Variants in PPARGC1A observed in about 807,000 individuals in gnomAD.
PPARGC1A encodes PPARG coactivator 1 alpha, also known as peroxisome proliferator-activated receptor gamma coactivator 1-alpha.
PPARGC1A carries 25 observed loss-of-function variants against 88.7 expected under a neutral mutation model. The ratio of observed to expected loss-of-function variants is 0.28; its 90% CI spans 0.21 to 0.39. The LOEUF is 0.39. PPARGC1A is among the 10% of genes least tolerant of loss of function. The pLI, the probability that PPARGC1A is intolerant of heterozygous loss-of-function variation, is 1.00. For synonymous variants in PPARGC1A, 363 were observed against 355.6 expected, an observed-to-expected ratio of 1.02 and a Z score of -0.24; for missense variants, 880 against 968.7, an observed-to-expected ratio of 0.91 and a Z score of 1.22.
chr4:23,897,975 T>C (rs1718809741), intron 1 of PPARGC1A, among the ~76,000 whole-genome samples: 2 of 152,166 alleles, frequency 1.3e-5, no homozygotes, highest in Admixed American at 1.3e-4. Context: ...GATTTAGAAA[T>C]GGTGTCACCC....
At chr4:23,818,652 T>A (rs1722408910) in intron 7 of PPARGC1A, among the ~76,000 whole-genome samples, 1 of 151,976 alleles carries the variant, frequency 6.6e-6, no homozygotes, top group South Asian at 2.1e-4. Flanking sequence ...TCTACAGTCA[T>A]CTTTTTAAAC....
chr4:23,951,455 A>G, the PPARGC1A span, among the ~76,000 whole-genome samples: 1 of 152,194 alleles, frequency 6.6e-6, no homozygotes, highest in African/African-American at 2.4e-5. Flanking sequence ...AATGCCATGC[A>G]TTACCAAAGG....
chr4:24,216,602 T>C, the PPARGC1A span, among the ~76,000 whole-genome samples: 1 of 152,228 alleles, frequency 6.6e-6, no homozygotes, highest in African/African-American at 2.4e-5. Flanking sequence ...GTTCTTGCTT[T>C]TGATTTTCTG....
the PPARGC1A span, among the ~76,000 whole-genome samples, chr4:24,361,698 T>G: frequency 3.3e-5 from 5 of 152,296 alleles, no homozygotes; most frequent in South Asian, 1.0e-3. Flanking sequence ...GATATCCAGG[T>G]GAAGACCAGA....
the PPARGC1A span, among the ~76,000 whole-genome samples, chr4:24,016,312 G>A: frequency 6.6e-6 from 1 of 152,148 alleles, no homozygotes; most frequent in Admixed American, 6.5e-5. Context: ...TGGAATGAGA[G>A]GAAAGCAGCA....
the PPARGC1A span, among the ~76,000 whole-genome samples, chr4:23,998,089 A>G: frequency 1.4e-3 from 214 of 152,316 alleles, 1 homozygote; most frequent in African/African-American, 4.6e-3. Context: ...AGTTCTTGTT[A>G]TGAAGTTCTC....
At chr4:24,326,850 G>A in the PPARGC1A span, among the ~76,000 whole-genome samples, 1 of 152,078 alleles carries the variant, frequency 6.6e-6, no homozygotes, top group African/African-American at 2.4e-5. Context: ...TCATGTCTGC[G>A]TGCAGCGGCT....
intron 2 of PPARGC1A, among the ~76,000 whole-genome samples, chr4:23,835,190 T>C (rs1725777509): frequency 6.6e-6 from 1 of 152,216 alleles, no homozygotes; most frequent in South Asian, 2.1e-4. Flanking sequence ...AATCACATAA[T>C]ACAATGGCGC....
intron 7 of PPARGC1A, among the ~76,000 whole-genome samples, chr4:23,820,150 TTGAA>T (rs1473916919): frequency 1.3e-5 from 2 of 152,124 alleles, no homozygotes; most frequent in African/African-American, 4.8e-5. Flanking sequence ...AAAGTACACT[TTGAA>T]TGACTGCTGA....
chr4:24,162,944 T>C, the PPARGC1A span, among the ~76,000 whole-genome samples: 1 of 151,858 alleles, frequency 6.6e-6, no homozygotes, highest in African/African-American at 2.4e-5. Context: ...TGTGCAAGTG[T>C]TTTGTTACAT....
intron 2 of PPARGC1A, among the ~76,000 whole-genome samples, chr4:23,871,178 A>G (rs1414401863): frequency 6.6e-6 from 1 of 152,200 alleles, no homozygotes; most frequent in African/African-American, 2.4e-5. Flanking sequence ...CTCTTTGTGA[A>G]CAGAATGTCT....
chr4:24,452,589 TC>T, the PPARGC1A span, among the ~76,000 whole-genome samples: 11 of 152,194 alleles, frequency 7.2e-5, no homozygotes, highest in African/African-American at 9.7e-5. Context: ...AATCTTGAGA[TC>T]ACTGTATTTC....
chr4:24,387,818 A>AAGAAAGAAAGAGAAAGAG, the PPARGC1A span, among the ~76,000 whole-genome samples: 73 of 81,054 alleles, frequency 9.0e-4, no homozygotes, highest in African/African-American at 3.4e-3. Context: ...GAAAGAAAGA[A>AAGAAAGAAAGAGAAAGAG]AGAAAGAGAG....
In PPARGC1A at chr4:23,794,221, T is replaced by C. The variant is rs1717121361; in HGVS notation, c.*1601A>G. 6.6e-6 allele frequency: 1 copy of C among 152,598 alleles called. No individual in the cohort carries two copies. Among genetic ancestry groups the C allele is most frequent in the Admixed American group, 6.6e-5 (1 of 15,250 alleles). 9.5% of individuals were successfully genotyped at this position (152,598 alleles called of 1,614,324 possible). On this transcript the variant is annotated 3_prime_UTR_variant, in exon 13 of 13. Coordinates refer to ENST00000264867, the MANE Select transcript of PPARGC1A (RefSeq NM_013261.5). The stretch of plus-strand genomic sequence containing the variant: ...CTTCTAGTTTCAAAACTACTGTTGA[T>C]AGAGAAAATAAAAACATTTCTTAAT...
At chr4:24,169,799 T>C in the PPARGC1A span, among the ~76,000 whole-genome samples, 1 of 152,080 alleles carries the variant, frequency 6.6e-6, no homozygotes, top group Non-Finnish European at 1.5e-5. Context: ...ATGGCGCTAC[T>C]ACAATCTAGC....
At chr4:24,064,635 C>G in the PPARGC1A span, among the ~76,000 whole-genome samples, 4 of 152,050 alleles carry the variant, frequency 2.6e-5, no homozygotes, top group South Asian at 2.1e-4. Context: ...ATTCTCCTCC[C>G]CCAGAAACCC....
chr4:23,946,413 G>T, the PPARGC1A span, among the ~76,000 whole-genome samples: 1 of 152,210 alleles, frequency 6.6e-6, no homozygotes, highest in Admixed American at 6.5e-5. Context: ...AGGCTGGGCT[G>T]GATCTAACAA....
the PPARGC1A span, among the ~76,000 whole-genome samples, chr4:24,239,693 T>G: frequency 5.9e-5 from 9 of 152,240 alleles, no homozygotes; most frequent in African/African-American, 2.2e-4. Flanking sequence ...TGGCTTGTTT[T>G]GGGTAGAAAA....
At chr4:24,359,272 G>C in the PPARGC1A span, among the ~76,000 whole-genome samples, 18 of 152,080 alleles carry the variant, frequency 1.2e-4, no homozygotes, top group Non-Finnish European at 2.1e-4. Context: ...CCAAACACTA[G>C]AGCATCCCAG....
Sources: gnomAD v4.1 joint callset for allele counts (sites outside exome capture counted in the v4.1 genomes callset) on GRCh38, gnomAD v4.1.1 for gene constraint, MANE v1.5 for transcripts, NCBI Gene and HGNC (gene_info 2026-07-23, HGNC 2026-07-21) for gene names.